The following PDLIM1 variants were observed in gnomAD, a reference collection of about 807,000 sequenced individuals.
The protein encoded by PDLIM1 is PDZ and LIM domain 1, also known as PDZ and LIM domain protein 1.
A neutral mutation model predicts 35.2 loss-of-function variants in PDLIM1; 25 were observed. The observed-to-expected ratio is 0.71, with a 90% confidence interval of 0.52 to 0.99. PDLIM1 has a LOEUF of 0.99. Among genes scored for constraint, PDLIM1 ranks in the 50% least tolerant of loss-of-function variants. PDLIM1 has a pLI of 0.00. For missense variants in PDLIM1, 363 were observed against 415.3 expected, an observed-to-expected ratio of 0.87 and a Z score of 1.09; for synonymous variants, 152 against 154.0, an observed-to-expected ratio of 0.99 and a Z score of 0.10.
intron 5 of PDLIM1, among the ~76,000 whole-genome samples, chr10:95,245,680 C>G (rs1352585704): frequency 6.6e-6 from 1 of 152,202 alleles, no homozygotes. Context: ...TACTTCCCAG[C>G]TGCTCAGCTA....
At chr10:95,282,298 T>C (rs1589520353) in intron 1 of PDLIM1, among the ~76,000 whole-genome samples, 1 of 152,190 alleles carries the variant, frequency 6.6e-6, no homozygotes, top group African/African-American at 2.4e-5. Context: ...TCAGTATGTT[T>C]GTGAGCCGAG....
chr10:95,249,462 C>T (rs1589507675), intron 4 of PDLIM1, among the ~76,000 whole-genome samples: 1 of 152,220 alleles, frequency 6.6e-6, no homozygotes, highest in East Asian at 1.9e-4. Flanking sequence ...TATAAAGTCT[C>T]CAGCCCACCA....
intron 3 of PDLIM1, among the ~76,000 whole-genome samples, chr10:95,265,129 C>A (rs1236931532): frequency 2.6e-5 from 4 of 152,082 alleles, no homozygotes; most frequent in Non-Finnish European, 4.4e-5. Context: ...AGAACAGCTG[C>A]CTCCAAAAGA....
At chr10:95,278,985 G>A (rs1019514391) in intron 1 of PDLIM1, among the ~76,000 whole-genome samples, 4 of 152,168 alleles carry the variant, frequency 2.6e-5, no homozygotes, top group African/African-American at 7.2e-5. Context: ...TTAACTCTCT[G>A]GCTCAAGATT....
At position 95,242,602 on chromosome 10, in the gene PDLIM1, G is replaced by C. The variant is rs562051653; in HGVS notation, c.686-3917C>G. On this transcript the variant is annotated intron_variant, in intron 5 of 6. Coordinates refer to ENST00000329399, the MANE Select transcript of PDLIM1 (RefSeq NM_020992.4). The stretch of plus-strand genomic sequence containing the variant: ...CTTGGGAGGCTGAGGCAGGAGAATG[G>C]CTTGAACCCGGGAGGCGGAGGTTGC... 2.3e-4 allele frequency among the ~76,000 whole-genome samples: 35 copies of C among 151,894 alleles called. No homozygotes were observed. In the East Asian group the frequency reaches 6.8e-3, roughly 30 times the overall value.
chr10:95,240,997 C>CTT (rs35816555), intron 5 of PDLIM1, among the ~76,000 whole-genome samples: 23,830 of 152,172 alleles, frequency 0.16, 2,190 homozygotes, highest in Middle Eastern at 0.42. Flanking sequence ...GGGCCTAAGA[C>CTT]TGCATTTCCA....
intron 1 of PDLIM1, among the ~76,000 whole-genome samples, chr10:95,273,855 G>A (rs1252767277): frequency 6.6e-6 from 1 of 152,170 alleles, no homozygotes; most frequent in African/African-American, 2.4e-5. Flanking sequence ...AGACTGATCT[G>A]GTGCATCTTC....
chr10:95,240,976 G>C (rs996551469), intron 5 of PDLIM1, among the ~76,000 whole-genome samples: 9 of 150,220 alleles, frequency 6.0e-5, no homozygotes, highest in African/African-American at 2.2e-4. Context: ...TGAGCCAGAA[G>C]GCCCAGGATG....
At chr10:95,239,625 C>T (rs554345197) in intron 5 of PDLIM1, among the ~76,000 whole-genome samples, 2 of 152,198 alleles carry the variant, frequency 1.3e-5, no homozygotes, top group East Asian at 3.9e-4. Flanking sequence ...GCCAAACCCC[C>T]TCTCTACTAA....
rs765258465 is a variant in PDLIM1, at chr10:95,290,853, G to T, written c.63C>A (p.Gly21=). 3 of 1,564,352 alleles carry T rather than the reference G, an allele frequency of 1.9e-6. No individual in the cohort carries two copies. The highest frequency in any genetic ancestry group is 2.3e-5 in the South Asian group (2 of 86,420). The change falls in exon 1 of 7, where the codon GGC becomes GGA. Residue 21 remains glycine (G), a synonymous_variant. Coordinates refer to ENST00000329399, the MANE Select transcript of PDLIM1 (RefSeq NM_020992.4). The surrounding 1 kb of genome is among the most constrained non-coding windows in gnomAD (Gnocchi z 4.7). ...TGGCGAGAGGCTGCTCGAAGTCCTT[G>T]CCGCCCACGAGGCGGAAGCCCCACG... ...PGPWGFRLVG[G]KDFEQPLAIS...
chr10:95,260,668 A>C (rs1486580885), intron 4 of PDLIM1, among the ~76,000 whole-genome samples: 1 of 152,234 alleles, frequency 6.6e-6, no homozygotes, highest in Admixed American at 6.5e-5. Flanking sequence ...AGATAGCAAC[A>C]GACACACCAC....
chr10:95,271,726 G>A lies in PDLIM1; in HGVS notation c.155C>T (p.Ala52Val). The A allele has an allele frequency of 6.2e-7, 1 of 1,612,876 alleles. No homozygotes were observed. Reference protein sequence around the residue: ...ANLCIGDVITAIDGENTSNMT... With the variant: ...ANLCIGDVITVIDGENTSNMT... ...ATTGCTAGTATTTTCCCCATCAATG[G>A]CTGTGATTACATCTCCAATACATAA... Residue 52 changes from alanine to valine, a missense_variant, in exon 2 of 7, where the codon GCC (alanine) becomes GTC (valine). By Grantham distance (64) the Ala-to-Val change is moderately conservative (BLOSUM62 0). Coordinates refer to ENST00000329399, the MANE Select transcript of PDLIM1 (RefSeq NM_020992.4).
chr10:95,278,067 C>T (rs1394726011), intron 1 of PDLIM1, among the ~76,000 whole-genome samples: 1 of 152,142 alleles, frequency 6.6e-6, no homozygotes, highest in Non-Finnish European at 1.5e-5. Context: ...CTACTTCATC[C>T]CTCCCCTGTT....
chr10:95,260,302 C>T (rs534180231), intron 4 of PDLIM1, among the ~76,000 whole-genome samples: 228 of 152,290 alleles, frequency 1.5e-3, no homozygotes, highest in African/African-American at 5.2e-3. Context: ...GCTCAGGCCC[C>T]TCTATCTACC....
chr10:95,272,069 G>A (rs1316737501), intron 1 of PDLIM1, among the ~76,000 whole-genome samples: 1 of 151,930 alleles, frequency 6.6e-6, no homozygotes. Flanking sequence ...ACTTACCCAG[G>A]ATCACCCAAC....
At chr10:95,243,431 C>T (rs2035194532) in intron 5 of PDLIM1, among the ~76,000 whole-genome samples, 2 of 152,188 alleles carry the variant, frequency 1.3e-5, no homozygotes, top group Non-Finnish European at 2.9e-5. Flanking sequence ...AAATAAACCA[C>T]AGCTGTTTTT....
intron 3 of PDLIM1, among the ~76,000 whole-genome samples, chr10:95,265,900 C>A (rs1350234443): frequency 6.6e-6 from 1 of 151,794 alleles, no homozygotes; most frequent in Non-Finnish European, 1.5e-5. Context: ...GACTCTCATC[C>A]CTAAAAAAAC....
chr10:95,289,293 T>C (rs1452361986), intron 1 of PDLIM1, among the ~76,000 whole-genome samples: 1 of 152,190 alleles, frequency 6.6e-6, no homozygotes, highest in Non-Finnish European at 1.5e-5. Context: ...CCTGCAAGGA[T>C]TTACCCAGCC....
At chr10:95,255,900 TACACACAC>T (rs59292355) in intron 4 of PDLIM1, among the ~76,000 whole-genome samples, 26 of 138,964 alleles carry the variant, frequency 1.9e-4, no homozygotes, top group South Asian at 7.4e-4. Context: ...CCCCCCCCAC[TACACACAC>T]ACACACACAC....
Sources: allele counts gnomAD v4.1 joint callset (sites outside exome capture counted in the v4.1 genomes callset), GRCh38; gene constraint gnomAD v4.1.1; non-coding constraint Gnocchi (gnomAD v3.1); transcripts MANE v1.5; gene names NCBI Gene and HGNC (gene_info 2026-07-23, HGNC 2026-07-21).